Variants in CFH observed in about 807,000 individuals in gnomAD.
CFH encodes complement factor H.
A neutral mutation model predicts 147.3 loss-of-function variants in CFH; 53 were observed. That is an observed-to-expected ratio of 0.36 (90% CI 0.29 to 0.45). The LOEUF (loss-of-function observed/expected upper bound fraction) is 0.45, where lower values mean the gene tolerates loss of function less well. CFH is among the 20% of genes least tolerant of loss of function. The pLI, the probability that CFH is intolerant of heterozygous loss-of-function variation, is 1.00. For missense variants in CFH, 1,380 were observed against 1,498.0 expected, an observed-to-expected ratio of 0.92 and a Z score of 1.30; for synonymous variants, 536 against 489.4, an observed-to-expected ratio of 1.10 and a Z score of -1.26.
chr1:196,737,105 A>G (rs1669425141), intron 16 of CFH, 99 bp downstream of exon 16: 6 of 1,055,352 alleles, frequency 5.7e-6, no homozygotes, highest in South Asian at 4.1e-5. Context: ...CTCTGTGTCT[A>G]TTACTTTATC....
chr1:196,741,437 G>T (rs1265049528), intron 18 of CFH: 2 of 218,622 alleles, frequency 9.1e-6, no homozygotes, highest in Non-Finnish European at 1.8e-5. Flanking sequence ...ATCATATCTT[G>T]TGAGAACTCA....
At chr1:196,712,346 G>C (rs1382979809) in intron 9 of CFH, among the ~76,000 whole-genome samples, 1 of 150,950 alleles carries the variant, frequency 6.6e-6, no homozygotes, top group Non-Finnish European at 1.5e-5. Context: ...ATTTTGTCTG[G>C]TTTCTTTGTT....
At chr1:196,665,797 G>A (rs1033683666) in intron 1 of CFH, among the ~76,000 whole-genome samples, 1 of 152,090 alleles carries the variant, frequency 6.6e-6, no homozygotes, top group Non-Finnish European at 1.5e-5. Context: ...AGTAGAGACG[G>A]GGTTTCGACA....
chr1:196,728,714 AACAC>A (rs374176162), intron 15 of CFH, among the ~76,000 whole-genome samples, 192 bp downstream of exon 15: 5 of 145,298 alleles, frequency 3.4e-5, no homozygotes, highest in South Asian at 2.2e-4. Context: ...CTTTAGTATA[AACAC>A]ACACACACAC....
intron 9 of CFH, among the ~76,000 whole-genome samples, chr1:196,694,727 T>C (rs1668191787): frequency 6.6e-6 from 1 of 152,236 alleles, no homozygotes; most frequent in African/African-American, 2.4e-5. Flanking sequence ...CTCATTGTGG[T>C]TTTGATTTGC....
chr1:196,690,700 T>C (rs1667993230), intron 9 of CFH, among the ~76,000 whole-genome samples: 1 of 152,112 alleles, frequency 6.6e-6, no homozygotes. Flanking sequence ...TCCCTGCCCC[T>C]GGTGGAGTGC....
chr1:196,692,802 CTTTCTTTCTTTCTT>C (rs1668103531), intron 9 of CFH, among the ~76,000 whole-genome samples: 1 of 50,776 alleles, frequency 2.0e-5, no homozygotes, highest in African/African-American at 8.7e-5. Context: ...TTCTTTCTTT[CTTTCTTTCTTTCTT>C]TCTTTCTCTT....
intron 1 of CFH, among the ~76,000 whole-genome samples, chr1:196,655,897 C>A (rs1354665625): frequency 1.3e-5 from 2 of 152,010 alleles, no homozygotes; most frequent in African/African-American, 4.8e-5. Context: ...AAAAATGAAA[C>A]AATAAAAAGG....
chr1:196,657,502 T>C (rs935981166), intron 1 of CFH, among the ~76,000 whole-genome samples: 2 of 152,176 alleles, frequency 1.3e-5, no homozygotes, highest in African/African-American at 4.8e-5. Context: ...GTACATGCGG[T>C]TTCCAGAGAG....
chr1:196,673,397 C>T lies in CFH; in HGVS notation c.244+234C>T, dbSNP rs767961251. 17 of 512,914 alleles carry T rather than the reference C, an allele frequency of 3.3e-5. 1 individual carries two copies. The highest frequency in any genetic ancestry group is 1.1e-4 in the South Asian group (5 of 47,332). 31.8% of individuals were successfully genotyped at this position (512,914 alleles called of 1,614,324 possible). A position where few individuals can be genotyped will look rare whatever the true frequency, so the allele number is the denominator to read the frequency against. Reference sequence around the variant, plus strand: ...CTATCGCCTGGCTGGAGTGCAGTGGCGCTATTTCGGCTCACTGCAACCTCT... The same window carrying T: ...CTATCGCCTGGCTGGAGTGCAGTGGTGCTATTTCGGCTCACTGCAACCTCT... On this transcript the variant is annotated intron_variant, in intron 2 of 21. Transcript: ENST00000367429.
intron 3 of CFH, among the ~76,000 whole-genome samples, chr1:196,675,216 G>T (rs1278841213): frequency 2.0e-5 from 3 of 152,110 alleles, no homozygotes; most frequent in Admixed American, 2.0e-4. Context: ...TGCACATTTT[G>T]CACATGTCCC....
chr1:196,676,116 A>T (rs747608778), intron 4 of CFH, 51 bp downstream of exon 4: 25 of 1,138,870 alleles, frequency 2.2e-5, no homozygotes, highest in Middle Eastern at 2.5e-4. Context: ...TCTAAGATTT[A>T]AAAAAAGTCT....
At chr1:196,665,371 A>T (rs1667045350) in intron 1 of CFH, among the ~76,000 whole-genome samples, 1 of 150,580 alleles carries the variant, frequency 6.6e-6, no homozygotes, top group African/African-American at 2.4e-5. Context: ...TATTTATAAA[A>T]TAAATATAAT....
At chr1:196,710,486 T>A (rs1293327304) in intron 9 of CFH, among the ~76,000 whole-genome samples, 2 of 152,192 alleles carry the variant, frequency 1.3e-5, no homozygotes, top group African/African-American at 2.4e-5. Context: ...ACCAGTATCA[T>A]GAGATCCTTT....
At chr1:196,743,205 T>A (rs1652871643) in intron 19 of CFH, among the ~76,000 whole-genome samples, 1 of 152,072 alleles carries the variant, frequency 6.6e-6, no homozygotes, top group South Asian at 2.1e-4. Flanking sequence ...AAGGGAAAAA[T>A]AAAGGTCTAT....
intron 9 of CFH, among the ~76,000 whole-genome samples, chr1:196,708,277 T>C (rs1668642330): frequency 6.6e-6 from 1 of 152,192 alleles, no homozygotes; most frequent in Non-Finnish European, 1.5e-5. Flanking sequence ...TAGTCATACT[T>C]GTCACTGACT....
intron 14 of CFH, among the ~76,000 whole-genome samples, 170 bp from the exon 15 acceptor site, chr1:196,728,176 A>T (rs1025768607): frequency 1.3e-5 from 2 of 152,162 alleles, no homozygotes; most frequent in Admixed American, 6.6e-5. Flanking sequence ...ATATTTTGAC[A>T]TAATAGCATT....
In CFH at chr1:196,675,367, G is replaced by A. The variant is rs182576862; in HGVS notation, c.351-622G>A. ...GGTATTCTCAGGAAAAAATCTCTAC[G>A]ATAGAGATGGAGAGATGGAGGCAAG... On this transcript the variant is annotated intron_variant, in intron 3 of 21. Transcript: ENST00000367429. 3.2e-4 allele frequency among the ~76,000 whole-genome samples: 48 copies of A among 152,216 alleles called. No homozygotes were observed. In the East Asian group the frequency reaches 6.8e-3, roughly 21 times the overall value.
chr1:196,685,049 C>A lies in CFH; in HGVS notation c.791-15C>A. On this transcript the variant is annotated splice_polypyrimidine_tract_variant and intron_variant, in intron 6 of 21. Transcript: ENST00000367429. ...ACTTATTTCTGCATTATCCATATAT[C>A]CTTTTTCTTTTCAGAAAAATCATGT... 3 of 1,568,780 alleles carry A rather than the reference C, an allele frequency of 1.9e-6. No homozygotes were observed. The highest frequency in any genetic ancestry group is 2.6e-6 in the Non-Finnish European group (3 of 1,139,434).
Sources: allele counts gnomAD v4.1 joint callset (sites outside exome capture counted in the v4.1 genomes callset), GRCh38; gene constraint gnomAD v4.1.1; transcripts MANE v1.5; gene names NCBI Gene and HGNC (gene_info 2026-07-23, HGNC 2026-07-21).